The following KRT78 variants were observed in gnomAD, a reference collection of about 807,000 sequenced individuals.
KRT78 encodes the protein keratin, type II cytoskeletal 78.
A neutral mutation model predicts 51.4 loss-of-function variants in KRT78; 55 were observed. That is an observed-to-expected ratio of 1.07 (90% confidence interval 0.86 to 1.34). KRT78 has a LOEUF of 1.34. KRT78 is among the 40% of genes most tolerant of loss of function. The pLI is 0.00. For synonymous variants in KRT78, 291 were observed against 264.3 expected (o/e 1.10, Z -0.98); for missense variants, 652 against 649.4 (o/e 1.00, Z -0.04).
rs764350199 is a variant in KRT78 at position 52,839,070 on chromosome 12, A to T, written c.*43T>A. 3 of 1,582,384 alleles carry T rather than the reference A, an allele frequency of 1.9e-6. No individual in the cohort carries two copies. Among genetic ancestry groups the T allele is most frequent in the East Asian group, 4.5e-5 (2 of 44,578 alleles). On this transcript the variant is annotated 3_prime_UTR_variant, in exon 9 of 9. Transcript: ENST00000304620. ...CCTTGCAGAGCCGGCTGATGGGGGGAGTGGGCCAAATGTGTTCAGGAAGGA... is the reference window on the plus strand; with the variant it reads ...CCTTGCAGAGCCGGCTGATGGGGGGTGTGGGCCAAATGTGTTCAGGAAGGA...
At position 52,837,905 on chromosome 12, in the gene KRT78, A is replaced by G. The variant is rs146390655; in HGVS notation, c.*1208T>C. The G allele has an allele frequency of 6.2e-4, 94 of 152,264 alleles. No homozygotes were observed. Among genetic ancestry groups the G allele is most frequent in the African/African-American group, 1.9e-3 (78 of 41,548 alleles). 9.4% of individuals were successfully genotyped at this position (152,264 alleles called of 1,614,324 possible). On this transcript the variant is annotated 3_prime_UTR_variant, in exon 9 of 9. Transcript: ENST00000304620. ...CGCCACACAGCCCTGTGAGGTACAT[A>G]TTATTATTAATCTCTTTTTACAGAT...
chr12:52,843,008 A>AGGAAGGAAGGAAGGAAGGATGGAG, intron 6 of KRT78, among the ~76,000 whole-genome samples: 1 of 25,196 alleles, frequency 4.0e-5, no homozygotes, highest in East Asian at 9.6e-4. Flanking sequence ...GAAGGAAGGA[A>AGGAAGGAAGGAAGGAAGGATGGAG]GGAGGGAGGG....
rs764531841 is a variant in KRT78, at chr12:52,839,744, T to G, written c.1268+20A>C. On this transcript the variant is annotated intron_variant, in intron 7 of 8. Transcript: ENST00000304620. ...TCCTCCCCAAACTCATATTCCCAGGTCCCTCCAAGCCTCCCTCACCTGCAC... is the reference window on the plus strand; with the variant it reads ...TCCTCCCCAAACTCATATTCCCAGGGCCCTCCAAGCCTCCCTCACCTGCAC... The G allele has an allele frequency of 5.0e-6, 8 of 1,607,432 alleles. No individual in the cohort carries two copies. In the South Asian group the frequency reaches 7.7e-5, roughly 15 times the overall value.
intron 1 of KRT78, 154 bp from the exon 2 acceptor site, chr12:52,848,275 A>G: frequency 1.9e-6 from 3 of 1,538,664 alleles, no homozygotes; most frequent in Non-Finnish European, 2.6e-6. Context: ...CTTCCATGAC[A>G]CTCTGAACAC....
intron 6 of KRT78, among the ~76,000 whole-genome samples, chr12:52,843,838 C>T (rs1171454376): frequency 6.6e-6 from 1 of 152,162 alleles, no homozygotes; most frequent in Non-Finnish European, 1.5e-5. Context: ...CTCCCCGATG[C>T]CAGGGGAGTG....
At chr12:52,843,014 G>T (rs1191619974) in intron 6 of KRT78, among the ~76,000 whole-genome samples, 1 of 98,364 alleles carries the variant, frequency 1.0e-5, no homozygotes, top group Admixed American at 9.4e-5. Context: ...AGGAAGGAGG[G>T]AGGGAGGGAG....
chr12:52,848,252 G>T (rs761098950), intron 1 of KRT78, 131 bp from the exon 2 acceptor site: 31 of 1,541,678 alleles, frequency 2.0e-5, no homozygotes, highest in Non-Finnish European at 2.6e-5. Context: ...CTGGGCAGGG[G>T]AAGCCTCATG....
intron 1 of KRT78, 48 bp from the exon 2 acceptor site, chr12:52,848,169 G>A: frequency 1.3e-6 from 2 of 1,595,010 alleles, no homozygotes; most frequent in Non-Finnish European, 1.7e-6. Flanking sequence ...GACTCCCTGT[G>A]CACAGCCTCT....
At chr12:52,840,490 G>T (rs1488512729) in intron 6 of KRT78, among the ~76,000 whole-genome samples, 2 of 151,902 alleles carry the variant, frequency 1.3e-5, no homozygotes, top group Non-Finnish European at 2.9e-5. Flanking sequence ...ATTACAAGGT[G>T]AGGAGTTCGA....
rs183875449 is a variant in KRT78, at chr12:52,844,295, A to G, written c.922-77T>C. ...ACCATCTCCTCATGTTTGAAAAGCC[A>G]CCTCTCACTCCTTATTTGGAGTGTG... On this transcript the variant is annotated intron_variant, in intron 5 of 8. Coordinates refer to ENST00000304620, the MANE Select transcript of KRT78 (RefSeq NM_173352.4). 1,252 of 1,482,608 alleles carry G rather than the reference A, an allele frequency of 8.4e-4. 19 individuals carry two copies. In the African/African-American group the frequency reaches 0.015, roughly 18 times the overall value. 91.8% of individuals were successfully genotyped at this position (1,482,608 alleles called of 1,614,324 possible).
rs144560690 is a variant in KRT78, at chr12:52,839,920, G to A, written c.1112C>T (p.Ala371Val). 5.3e-4 allele frequency: 858 copies of A among 1,614,074 alleles called. 14 individuals carry two copies. In the East Asian group the frequency reaches 0.019, roughly 36 times the overall value. Residue 371 changes from alanine (A) to valine (V), a missense_variant, in exon 7 of 9, where the codon GCT becomes GTT. By Grantham distance (64) the Ala-to-Val change is moderately conservative (BLOSUM62 0). Transcript: ENST00000304620. The part of the protein sequence containing the change: ...EQRGELALKD[A>V]QAKVDELEAA... ...CTCCAGCTCGTCCACCTTGGCCTGA[G>A]CGTCCTTGAGGGCCAGCTCCCCACG...
chr12:52,844,562 G>A lies in KRT78; in HGVS notation c.918C>T (p.Thr306=), dbSNP rs927107303. ...GCTGCCCCCCAGGTCCCACCACCTT[G>A]GTCTGGTACAAGGCCTCAGCCTCAG... ...SKAEAEALYQ[T]KYQELQVSAQ... is the part of the protein sequence containing the mutation. The change falls in exon 5 of 9, where the codon ACC becomes ACT. Residue 306 remains threonine, a synonymous_variant. Coordinates refer to ENST00000304620, the MANE Select transcript of KRT78 (RefSeq NM_173352.4). The A allele has an allele frequency of 2.5e-6, 4 of 1,612,526 alleles. No individual in the cohort carries two copies. The highest frequency in any genetic ancestry group is 2.5e-6 in the Non-Finnish European group (3 of 1,179,206).
At position 52,839,799 on chromosome 12, in the gene KRT78, G is replaced by A; in HGVS notation, c.1233C>T (p.Ala411=). The part of the protein sequence containing the change: ...STKLSLDVEI[A]TYRRLLEGEE... Reference sequence around the variant, plus strand: ...CGCCCTCCAGCAGCCTGCGGTAAGTGGCAATCTCCACATCCAGGGAAAGCT... The same window carrying A: ...CGCCCTCCAGCAGCCTGCGGTAAGTAGCAATCTCCACATCCAGGGAAAGCT... The change falls in exon 7 of 9, where the codon GCC becomes GCT. Residue 411 remains alanine, a synonymous_variant. Transcript: ENST00000304620. 6.2e-7 allele frequency: 1 copy of A among 1,614,034 alleles called. No homozygotes were observed.
chr12:52,848,721 A>T lies in KRT78; in HGVS notation c.210T>A (p.Ser70Arg), dbSNP rs1416905997. The change falls in exon 1 of 9, where the codon AGT becomes AGA. Residue 70 changes from serine to arginine, a missense_variant. Ser to Arg is a moderately radical substitution (Grantham distance 110). Coordinates refer to ENST00000304620, the MANE Select transcript of KRT78 (RefSeq NM_173352.4). ...GRLGVRFGEW[S>R]GGPGLSLCPP... ...GGCACAGGGAGAGCCCAGGCCCACC[A>T]CTCCACTCCCCAAACCGCACCCCCA... 1.6e-5 allele frequency: 26 copies of T among 1,607,292 alleles called. No individual in the cohort carries two copies. Among genetic ancestry groups the T allele is most frequent in the Non-Finnish European group, 2.2e-5 (26 of 1,177,080 alleles).
In KRT78 at chr12:52,839,866, A is replaced by G. The variant is rs759217631; in HGVS notation, c.1166T>C (p.Leu389Pro). Reference protein sequence around the residue: ...EAALRMAKQNLARLLCEYQEL... With the variant: ...EAALRMAKQNPARLLCEYQEL... Reference sequence around the variant, plus strand: ...CTGGTACTCGCACAGCAGCCGGGCCAGGTTCTGCTTGGCCATCCTCAGAGC... The same window carrying G: ...CTGGTACTCGCACAGCAGCCGGGCCGGGTTCTGCTTGGCCATCCTCAGAGC... The change falls in exon 7 of 9, where the codon CTG becomes CCG. Residue 389 changes from leucine to proline, a missense_variant. Transcript: ENST00000304620. The G allele has an allele frequency of 1.2e-5, 19 of 1,614,068 alleles. No homozygotes were observed. The highest frequency in any genetic ancestry group is 1.5e-5 in the Non-Finnish European group (18 of 1,180,024).
intron 4 of KRT78, chr12:52,845,903 A>G (rs1160902989): frequency 6.0e-6 from 2 of 330,658 alleles, no homozygotes; most frequent in Non-Finnish European, 1.1e-5. Context: ...CAGTGAGCTG[A>G]GATTGCACCA....
intron 6 of KRT78, among the ~76,000 whole-genome samples, chr12:52,843,776 G>C (rs1201985398): frequency 4.0e-5 from 6 of 151,660 alleles, no homozygotes; most frequent in Non-Finnish European, 7.4e-5. Context: ...TCTCCCCAAG[G>C]GGCTGAAAGC....
intron 6 of KRT78, among the ~76,000 whole-genome samples, chr12:52,840,600 G>A (rs373291714): frequency 1.3e-5 from 2 of 152,170 alleles, no homozygotes; most frequent in South Asian, 2.1e-4. Context: ...CCAGCTACTC[G>A]GGAGGCTGAG....
At chr12:52,843,582 C>G (rs1940565019) in intron 6 of KRT78, among the ~76,000 whole-genome samples, 1 of 146,146 alleles carries the variant, frequency 6.8e-6, no homozygotes, top group African/African-American at 2.5e-5. Flanking sequence ...TCCAGCTACT[C>G]AAGAGGCTGA....
Sources: allele counts gnomAD v4.1 joint callset (sites outside exome capture counted in the v4.1 genomes callset), GRCh38; gene constraint gnomAD v4.1.1; transcripts MANE v1.5; gene names NCBI Gene and HGNC (gene_info 2026-07-23, HGNC 2026-07-21).